The following EBF1 variants were observed in gnomAD, a reference collection of about 807,000 sequenced individuals.
EBF1 encodes the protein EBF transcription factor 1, also known as transcription factor COE1.
Under a neutral mutation model 68.4 loss-of-function variants are expected in EBF1, and 10 were observed. That is an observed-to-expected ratio of 0.15 (90% CI 0.09 to 0.25). EBF1 has a LOEUF of 0.25. EBF1 is among the 10% of genes least tolerant of loss of function. The pLI is 1.00. For synonymous variants in EBF1, 298 were observed against 299.8 expected, an observed-to-expected ratio of 0.99 and a Z score of 0.06; for missense variants, 509 against 794.4, an observed-to-expected ratio of 0.64 and a Z score of 4.32.
At chr5:159,079,148 C>T (rs551770973) in intron 5 of EBF1, among the ~76,000 whole-genome samples, 40 of 152,284 alleles carry the variant, frequency 2.6e-4, no homozygotes, top group Non-Finnish European at 5.6e-4. Flanking sequence ...CTTCTATCCT[C>T]TCTCTTCCTC....
chr5:159,032,505 C>G (rs997389147), intron 6 of EBF1, among the ~76,000 whole-genome samples: 2 of 152,160 alleles, frequency 1.3e-5, no homozygotes, highest in Non-Finnish European at 2.9e-5. Flanking sequence ...TGCATAAAAC[C>G]GAGTGATTAT....
At chr5:159,031,422 A>G (rs1205918809) in intron 6 of EBF1, among the ~76,000 whole-genome samples, 1 of 152,122 alleles carries the variant, frequency 6.6e-6, no homozygotes, top group Non-Finnish European at 1.5e-5. Context: ...CATCTCCACC[A>G]GGCTTTCTTT....
intron 10 of EBF1, among the ~76,000 whole-genome samples, chr5:158,732,399 T>A (rs1764283937): frequency 6.6e-6 from 1 of 152,216 alleles, no homozygotes; most frequent in African/African-American, 2.4e-5. Flanking sequence ...TGGCCCACTT[T>A]TCAAAATACA....
intron 6 of EBF1, among the ~76,000 whole-genome samples, chr5:158,935,974 A>C (rs1214661490): frequency 6.6e-6 from 1 of 152,216 alleles, no homozygotes; most frequent in African/African-American, 2.4e-5. Flanking sequence ...TCAATAGCCC[A>C]AGATAGACTG....
rs1199537065 is a variant in EBF1 at position 159,097,037 on chromosome 5, G to A, written c.228C>T (p.Asp76=). ...CGATCTCCACGGGCTGGCCCTGTCT[G>A]TCGTAGAGGGCCAGGACGAAGTGGA... ...NFFHFVLALY[D]RQGQPVEIER... is the part of the protein sequence containing the mutation. The change falls in exon 2 of 16, where the codon GAC becomes GAT. Residue 76 remains aspartate, a synonymous_variant. Transcript: ENST00000313708. 6.2e-7 allele frequency: 1 copy of A among 1,614,052 alleles called. No homozygotes were observed. Among genetic ancestry groups the A allele is most frequent in the Admixed American group, 1.7e-5 (1 of 60,012 alleles).
At chr5:158,910,874 G>A (rs1805814574) in intron 6 of EBF1, among the ~76,000 whole-genome samples, 1 of 152,174 alleles carries the variant, frequency 6.6e-6, no homozygotes, top group African/African-American at 2.4e-5. Context: ...TGGCCCCAAA[G>A]GGAAACACTG....
At chr5:159,002,524 C>G (rs1372959515) in intron 6 of EBF1, among the ~76,000 whole-genome samples, 1 of 152,146 alleles carries the variant, frequency 6.6e-6, no homozygotes, top group Non-Finnish European at 1.5e-5. Flanking sequence ...AAATCTCCAC[C>G]CTTTTCAAGC....
intron 6 of EBF1, among the ~76,000 whole-genome samples, chr5:158,920,569 A>C (rs558168228): frequency 1.3e-5 from 2 of 151,644 alleles, no homozygotes; most frequent in Non-Finnish European, 2.9e-5. Flanking sequence ...TGCCAAGGGA[A>C]CTTTTCTTTC....
At chr5:158,953,847 G>A (rs1191167206) in intron 6 of EBF1, among the ~76,000 whole-genome samples, 5 of 152,096 alleles carry the variant, frequency 3.3e-5, no homozygotes, top group Non-Finnish European at 7.4e-5. Flanking sequence ...AGTTTCATAA[G>A]CAAGCTGAAA....
At chr5:158,859,463 T>A (rs10475662) in intron 6 of EBF1, among the ~76,000 whole-genome samples, 1 of 152,166 alleles carries the variant, frequency 6.6e-6, no homozygotes, top group Admixed American at 6.5e-5. Context: ...TTCTTACAAT[T>A]CTGAGGTCAT....
At chr5:159,076,053 G>A (rs1389364180) in intron 5 of EBF1, among the ~76,000 whole-genome samples, 1 of 151,286 alleles carries the variant, frequency 6.6e-6, no homozygotes, top group East Asian at 1.9e-4. Context: ...TTCCTTTTAA[G>A]GCACTTAACT....
intron 9 of EBF1, among the ~76,000 whole-genome samples, chr5:158,790,245 C>A (rs1778341308): frequency 1.3e-5 from 2 of 152,152 alleles, no homozygotes; most frequent in Admixed American, 1.3e-4. Context: ...CATCTAATGC[C>A]AAGTGTGTAC....
intron 8 of EBF1, among the ~76,000 whole-genome samples, chr5:158,797,665 G>A (rs963075869): frequency 6.6e-6 from 1 of 152,176 alleles, no homozygotes; most frequent in African/African-American, 2.4e-5. Flanking sequence ...GTCCAGCCCG[G>A]TGGGACCATT....
chr5:159,083,293 A>G (rs1043801842), intron 5 of EBF1, among the ~76,000 whole-genome samples: 7 of 152,248 alleles, frequency 4.6e-5, no homozygotes, highest in African/African-American at 1.7e-4. Flanking sequence ...CACAATTCTG[A>G]AAGGTGCAAC....
At chr5:158,774,408 C>G (rs1399050073) in intron 10 of EBF1, among the ~76,000 whole-genome samples, 1 of 151,878 alleles carries the variant, frequency 6.6e-6, no homozygotes, top group Non-Finnish European at 1.5e-5. Flanking sequence ...AATGCCAACT[C>G]TCTCTTGCAT....
At chr5:158,982,128 G>A (rs761263656) in intron 6 of EBF1, among the ~76,000 whole-genome samples, 21 of 152,156 alleles carry the variant, frequency 1.4e-4, no homozygotes, top group East Asian at 3.8e-4. Context: ...CAAACTACAC[G>A]CTAATTGAAA....
At chr5:159,099,222 G>A (rs1439104448) in intron 1 of EBF1, 123 bp downstream of exon 1, 1 of 689,066 alleles carries the variant, frequency 1.5e-6, no homozygotes, top group South Asian at 6.4e-5. Flanking sequence ...GCGGAGCGCA[G>A]CGGCTGCGGA....
At chr5:158,994,256 A>C (rs1760963168) in intron 6 of EBF1, among the ~76,000 whole-genome samples, 1 of 152,250 alleles carries the variant, frequency 6.6e-6, no homozygotes, top group Non-Finnish European at 1.5e-5. Context: ...CAATATGAAT[A>C]GACCAAAGAA....
At chr5:158,977,344 C>A (rs1756971966) in intron 6 of EBF1, among the ~76,000 whole-genome samples, 1 of 152,108 alleles carries the variant, frequency 6.6e-6, no homozygotes, top group Non-Finnish European at 1.5e-5. Flanking sequence ...TGATTTATAG[C>A]TTGGAAACTA....
Sources: allele counts gnomAD v4.1 joint callset (sites outside exome capture counted in the v4.1 genomes callset), GRCh38; gene constraint gnomAD v4.1.1; transcripts MANE v1.5; gene names NCBI Gene and HGNC (gene_info 2026-07-23, HGNC 2026-07-21).